PTP4A3: variants seen among roughly 807,000 people sequenced by gnomAD.
PTP4A3 encodes protein tyrosine phosphatase 4A3, also known as protein tyrosine phosphatase type IVA 3.
Under a neutral mutation model 15.2 loss-of-function variants are expected in PTP4A3, and 9 were observed. That is an observed-to-expected ratio of 0.59 (90% CI 0.36 to 1.03). PTP4A3 has a LOEUF of 1.03. Among genes scored for constraint, PTP4A3 ranks in the 50% least tolerant of loss-of-function variants. PTP4A3 has a pLI of 0.02. For synonymous variants in PTP4A3, 95 were observed against 102.0 expected (o/e 0.93, Z 0.41); for missense variants, 234 against 252.1 (o/e 0.93, Z 0.49).
rs190765487 is a variant in PTP4A3 at position 141,395,951 on chromosome 8, C to A, written c.-854+3867C>A. ...CATTGCTGTTGCCTGCCAAGGGCCA[C>A]CCTGGCTGGGGACAGATGGGGCTGC... On this transcript the variant is annotated intron_variant, in intron 1 of 5. Transcript: ENST00000521578. Among the ~76,000 whole-genome samples the A allele has an allele frequency of 1.1e-4, 16 of 152,344 alleles. No individual in the cohort carries two copies. In the East Asian group the frequency reaches 2.7e-3, roughly 26 times the overall value.
intron 1 of PTP4A3, among the ~76,000 whole-genome samples, chr8:141,399,696 G>A (rs1292012911): frequency 6.6e-6 from 1 of 152,240 alleles, no homozygotes; most frequent in Non-Finnish European, 1.5e-5. Context: ...GTCGGTGACT[G>A]CAATGGATGG....
Position 141,427,008 on chromosome 8 carries a change from G to A in PTP4A3, c.268G>A (p.Ala90Thr). 2 of 1,605,356 alleles carry A rather than the reference G, an allele frequency of 1.2e-6. No individual in the cohort carries two copies. The highest frequency in any genetic ancestry group is 1.7e-6 in the Non-Finnish European group (2 of 1,179,850). The change falls in exon 4 of 6, where the codon GCC becomes ACC. Residue 90 changes from alanine to threonine, a missense_variant. Physicochemically the swap from Ala to Thr is moderately conservative, Grantham distance 58. Coordinates refer to ENST00000521578, the MANE Select transcript of PTP4A3 (RefSeq NM_032611.3). ...GGAAGACTGGCTGAGCCTGGTGAAG[G>A]CCAAGTTCTGTGAGGCCCCCGGCAG... ...VVEDWLSLVKAKFCEAPGSCV... is the reference protein window; with the variant it reads ...VVEDWLSLVKTKFCEAPGSCV...
At chr8:141,410,309 C>T (rs540101777) in intron 1 of PTP4A3, among the ~76,000 whole-genome samples, 67 of 152,354 alleles carry the variant, frequency 4.4e-4, no homozygotes, top group African/African-American at 1.6e-3. Context: ...CGGTGAGGCA[C>T]CATTGTTGCT....
At chr8:141,398,366 C>T (rs1832502853) in intron 1 of PTP4A3, among the ~76,000 whole-genome samples, 1 of 152,220 alleles carries the variant, frequency 6.6e-6, no homozygotes. Flanking sequence ...TTCCAGCACC[C>T]CTGCAGGAGC....
In PTP4A3 at chr8:141,420,401, C is replaced by T. The variant is rs772967788; in HGVS notation, c.-853-987C>T. Reference sequence around the variant, plus strand: ...AAGAGGCCGGCACCTTGCTCAAGGCCTCCCAGCCCTTCCGTAGAGAGGGAA... The same window carrying T: ...AAGAGGCCGGCACCTTGCTCAAGGCTTCCCAGCCCTTCCGTAGAGAGGGAA... On this transcript the variant is annotated intron_variant, in intron 1 of 5. Coordinates refer to ENST00000521578, the MANE Select transcript of PTP4A3 (RefSeq NM_032611.3). 7.0e-4 allele frequency among the ~76,000 whole-genome samples: 107 copies of T among 152,316 alleles called. 1 individual carries two copies. The highest frequency in any genetic ancestry group is 2.8e-4 in the Non-Finnish European group (19 of 68,016).
At chr8:141,419,762 A>G (rs759495048) in intron 1 of PTP4A3, among the ~76,000 whole-genome samples, 25 of 151,878 alleles carry the variant, frequency 1.6e-4, no homozygotes, top group Admixed American at 6.6e-4. Flanking sequence ...TATTTTTAGT[A>G]GAGATGGGGT....
intron 4 of PTP4A3, 77 bp from the exon 5 acceptor site, chr8:141,427,673 C>T: frequency 7.6e-7 from 1 of 1,315,292 alleles, no homozygotes; most frequent in Non-Finnish European, 1.0e-6. Flanking sequence ...CCGTGCCCTG[C>T]ATCTTCAGCA....
chr8:141,396,095 A>G (rs1434175163), intron 1 of PTP4A3, among the ~76,000 whole-genome samples: 4 of 152,200 alleles, frequency 2.6e-5, no homozygotes, highest in Non-Finnish European at 5.9e-5. Flanking sequence ...ACCCCGTGCC[A>G]TGTGAAGGTG....
chr8:141,405,563 C>T (rs1459146107), intron 1 of PTP4A3, among the ~76,000 whole-genome samples: 1 of 152,218 alleles, frequency 6.6e-6, no homozygotes, highest in Non-Finnish European at 1.5e-5. Context: ...ATGCTTGTCT[C>T]TGCCTTACTC....
intron 1 of PTP4A3, among the ~76,000 whole-genome samples, chr8:141,393,314 A>G (rs12156167): frequency 0.32 from 48,750 of 152,092 alleles, 8,063 homozygotes; most frequent in East Asian, 0.6. Context: ...TGGGCCCCGA[A>G]CCTGTCACCT....
chr8:141,411,029 C>T (rs1482303154), intron 1 of PTP4A3, among the ~76,000 whole-genome samples: 2 of 152,202 alleles, frequency 1.3e-5, no homozygotes, highest in Non-Finnish European at 2.9e-5. Flanking sequence ...GCTGGCAGCA[C>T]TGGCGTTGTG....
chr8:141,396,160 C>T (rs1832446666), intron 1 of PTP4A3, among the ~76,000 whole-genome samples: 1 of 152,232 alleles, frequency 6.6e-6, no homozygotes, highest in South Asian at 2.1e-4. Flanking sequence ...GCCCCATTAT[C>T]TGGGCTGTGG....
chr8:141,417,100 C>G (rs1158473246), intron 1 of PTP4A3, among the ~76,000 whole-genome samples: 1 of 152,122 alleles, frequency 6.6e-6, no homozygotes, highest in Non-Finnish European at 1.5e-5. Context: ...ACAATGCTCC[C>G]AGGAGGCAGA....
intron 1 of PTP4A3, among the ~76,000 whole-genome samples, chr8:141,415,984 C>T (rs1243631323): frequency 6.6e-6 from 1 of 151,932 alleles, no homozygotes; most frequent in Non-Finnish European, 1.5e-5. Context: ...ACGGCTCCTG[C>T]CTGGTTATAA....
Position 141,406,930 on chromosome 8 carries a change from T to A in PTP4A3, c.-853-14458T>A, listed in dbSNP as rs62522493. 0.029 allele frequency among the ~76,000 whole-genome samples: 4,412 copies of A among 152,282 alleles called. 96 individuals carry two copies. The highest frequency in any genetic ancestry group is 0.045 in the Non-Finnish European group (3,090 of 68,004). On this transcript the variant is annotated intron_variant, in intron 1 of 5. Transcript: ENST00000521578. This position sits in a 1 kb window ranked among gnomAD's most constrained non-coding sequence, Gnocchi z 4.5. ...GAACTTCCAAAAATGCGCTCAGAAA[T>A]CTTTCCTGTCCTCTAGGGCCCATCT...
In PTP4A3 at chr8:141,432,146, C is replaced by G. The variant is rs1176441518; in HGVS notation, c.*1102C>G. 1 of 152,248 alleles carries G rather than the reference C, an allele frequency of 6.6e-6. No homozygotes were observed. Among genetic ancestry groups the G allele is most frequent in the East Asian group, 1.9e-4 (1 of 5,144 alleles). 9.4% of individuals were successfully genotyped at this position (152,248 alleles called of 1,614,324 possible). On this transcript the variant is annotated 3_prime_UTR_variant, in exon 6 of 6. Coordinates refer to ENST00000521578, the MANE Select transcript of PTP4A3 (RefSeq NM_032611.3). The stretch of plus-strand genomic sequence containing the variant: ...TGGCCCCAGCGGGGAGGAAGGTGGG[C>G]CTAGGGCTGGCTCCAGGGTGTGGAG...
At chr8:141,424,897 G>A (rs1833494501) in intron 2 of PTP4A3, 151 bp from the exon 3 acceptor site, 2 of 662,340 alleles carry the variant, frequency 3.0e-6, no homozygotes, top group African/African-American at 1.8e-5. Context: ...AGGGGACAGG[G>A]CTCCACCCCG....
At chr8:141,426,530 A>G (rs932859532) in intron 3 of PTP4A3, 1 of 985,196 alleles carries the variant, frequency 1.0e-6, no homozygotes, top group Non-Finnish European at 1.2e-6. Context: ...AGCACAGGGG[A>G]TGAGACCCTT....
At chr8:141,409,661 C>T (rs1832816592) in intron 1 of PTP4A3, among the ~76,000 whole-genome samples, 1 of 152,234 alleles carries the variant, frequency 6.6e-6, no homozygotes, top group African/African-American at 2.4e-5. Flanking sequence ...GCCTGCTGAG[C>T]CTTCAGATGC....
Sources: gnomAD v4.1 joint callset for allele counts (sites outside exome capture counted in the v4.1 genomes callset) on GRCh38, gnomAD v4.1.1 for gene constraint, Gnocchi (gnomAD v3.1) non-coding constraint, MANE v1.5 for transcripts, NCBI Gene and HGNC (gene_info 2026-07-23, HGNC 2026-07-21) for gene names.